The following ARSA variants were observed in gnomAD, a reference collection of about 807,000 sequenced individuals.
The protein encoded by ARSA is cerebroside-sulfatase.
ARSA carries 32 observed loss-of-function variants against 37.8 expected under a neutral mutation model. The ratio of observed to expected loss-of-function variants is 0.85; its 90% CI spans 0.64 to 1.14. ARSA has a LOEUF of 1.14. ARSA is among the 50% of genes most tolerant of loss of function. The pLI is 0.00. For missense variants in ARSA, 685 were observed against 686.3 expected, an observed-to-expected ratio of 1.00 and a Z score of 0.02; for synonymous variants, 303 against 303.4, an observed-to-expected ratio of 1.00 and a Z score of 0.01.
At chr22:50,627,089 G>A (rs961007544) in intron 2 of ARSA, 37 bp from the exon 3 acceptor site, 3 of 1,596,790 alleles carry the variant, frequency 1.9e-6, no homozygotes, top group Non-Finnish European at 2.6e-6. Flanking sequence ...TGGGCTGGCA[G>A]GTGGGGCTGC....
chr22:50,625,852 G>C, intron 6 of ARSA, 84 bp downstream of exon 6: 1 of 1,546,708 alleles, frequency 6.5e-7, no homozygotes, highest in Non-Finnish European at 8.7e-7. Flanking sequence ...CTGAGGCACA[G>C]ACTCTCAGGC....
In ARSA at chr22:50,625,710, G is replaced by A. The variant is rs200256800; in HGVS notation, c.1108-29C>T. On this transcript the variant is annotated intron_variant, in intron 6 of 7. Coordinates refer to ENST00000216124, the MANE Select transcript of ARSA (RefSeq NM_000487.6). Reference sequence around the variant, plus strand: ...GGGGCAGAGTCAGGGGTCACGGGGCGGGGCAGGCCCCAAGCACTGCACATA... The same window carrying A: ...GGGGCAGAGTCAGGGGTCACGGGGCAGGGCAGGCCCCAAGCACTGCACATA... 2.2e-4 allele frequency: 347 copies of A among 1,601,496 alleles called. No homozygotes were observed. The African/African-American group carries it at 3.8e-3, about 17-fold the overall frequency.
chr22:50,625,492 G>A (rs759592253), intron 7 of ARSA, 28 bp from the exon 8 acceptor site: 2 of 1,611,502 alleles, frequency 1.2e-6, no homozygotes, highest in East Asian at 2.2e-5. Context: ...TCTGTGCACA[G>A]GGCAAGGGCG....
At position 50,627,059 on chromosome 22, in the gene ARSA, C is replaced by T. The variant is rs6151414; in HGVS notation, c.466-7G>A. On this transcript the variant is annotated splice_region_variant and splice_polypyrimidine_tract_variant and intron_variant, in intron 2 of 7. Coordinates refer to ENST00000216124, the MANE Select transcript of ARSA (RefSeq NM_000487.6). ...TCAGGTTCTGGCAGGGGCCCTGAGG[C>T]GGGCAGCTGCCGTGAGGGCTGGGCT... The T allele has an allele frequency of 1.2e-5, 20 of 1,600,390 alleles. No individual in the cohort carries two copies. Among genetic ancestry groups the T allele is most frequent in the Admixed American group, 3.4e-5 (2 of 59,592 alleles).
In ARSA at chr22:50,625,268, G is replaced by A. The variant is rs764962721; in HGVS notation, c.1407C>T (p.Asp469=). 6.5e-5 allele frequency: 105 copies of A among 1,612,652 alleles called. No individual in the cohort carries two copies. Among genetic ancestry groups the A allele is most frequent in the South Asian group, 1.1e-4 (10 of 91,068 alleles). ...GGCTGGGGCCGAAGGTCACAGCTGC[G>A]TCTAACTGGGCCTTGAGCAGCTGAA... ...KQLQLLKAQL[D]AAVTFGPSQV... The change falls in exon 8 of 8, where the codon GAC becomes GAT. Residue 469 remains aspartate (D), a synonymous_variant. Coordinates refer to ENST00000216124, the MANE Select transcript of ARSA (RefSeq NM_000487.6).
Position 50,626,197 on chromosome 22 carries a change from G to T in ARSA, c.936C>A (p.Val312=). The T allele has an allele frequency of 6.2e-7, 1 of 1,611,570 alleles. No individual in the cohort carries two copies. The highest frequency in any genetic ancestry group is 8.5e-7 in the Non-Finnish European group (1 of 1,179,242). ...GCCAGAAGGCCAAGGCAGGCTCTCGGACACCGCCCTCGTAGGTCGTTCCCT... is the reference window on the plus strand; with the variant it reads ...GCCAGAAGGCCAAGGCAGGCTCTCGTACACCGCCCTCGTAGGTCGTTCCCT... ...CGKGTTYEGG[V]REPALAFWPG... The change falls in exon 5 of 8, where the codon GTC becomes GTA. Residue 312 remains valine (V), a synonymous_variant. Coordinates refer to ENST00000216124, the MANE Select transcript of ARSA (RefSeq NM_000487.6).
rs6151406 is a variant in ARSA, at chr22:50,628,124, C to G, written c.-345G>C. On this transcript the variant is annotated 5_prime_UTR_variant, in exon 1 of 8. Coordinates refer to ENST00000216124, the MANE Select transcript of ARSA (RefSeq NM_000487.6). Reference sequence around the variant, plus strand: ...GCGCTAGAGGGAGCCCAGGAGGAGCCGGTACCGGGCTGCGGGCGCTTCCGC... The same window carrying G: ...GCGCTAGAGGGAGCCCAGGAGGAGCGGGTACCGGGCTGCGGGCGCTTCCGC... The G allele has an allele frequency of 0.09, 19,379 of 215,104 alleles. 1,392 individuals are homozygous for G. Among genetic ancestry groups the G allele is most frequent in the East Asian group, 0.25 (2,244 of 8,932 alleles). 13.3% of individuals were successfully genotyped at this position (215,104 alleles called of 1,614,324 possible). A position where few individuals can be genotyped will look rare whatever the true frequency, so the allele number is the denominator to read the frequency against.
intron 7 of ARSA, 46 bp from the exon 8 acceptor site, chr22:50,625,510 G>C: frequency 6.2e-7 from 1 of 1,612,260 alleles, no homozygotes; most frequent in Non-Finnish European, 8.5e-7. Context: ...GCGAGAGGAG[G>C]GGCCAGGGAT....
chr22:50,627,437 A>G (rs1409623502), intron 1 of ARSA, 31 bp from the exon 2 acceptor site: 1 of 1,607,862 alleles, frequency 6.2e-7, no homozygotes, highest in Middle Eastern at 1.7e-4. Context: ...TCCCTGAGAC[A>G]GACAGAAATG....
chr22:50,626,242 G>A lies in ARSA; in HGVS notation c.891C>T (p.Ser297=), dbSNP rs770536697. ...ETMRMSRGGC[S]GLLRCGKGTT... ...TTCCCTTTCCACACCGCAAGAGACCGGAGCAGCCGCCTCGGGACATACGCA... is the reference window on the plus strand; with the variant it reads ...TTCCCTTTCCACACCGCAAGAGACCAGAGCAGCCGCCTCGGGACATACGCA... Residue 297 remains serine, a synonymous_variant, in exon 5 of 8, where the codon TCC becomes TCT. Coordinates refer to ENST00000216124, the MANE Select transcript of ARSA (RefSeq NM_000487.6). The A allele has an allele frequency of 5.1e-5, 83 of 1,613,398 alleles. No individual in the cohort carries two copies. Among genetic ancestry groups the A allele is most frequent in the South Asian group, 3.8e-4 (35 of 91,002 alleles).
intron 6 of ARSA, 36 bp downstream of exon 6, chr22:50,625,900 G>A (rs1249551303): frequency 8.3e-6 from 13 of 1,563,866 alleles, no homozygotes; most frequent in Non-Finnish European, 1.0e-5. Context: ...CCAGGACAGG[G>A]GCCAAGGATC....
rs1045588549 is a variant in ARSA, at chr22:50,624,018, C to A, written c.*1127G>T. 6.6e-6 allele frequency: 1 copy of A among 152,186 alleles called. No individual in the cohort carries two copies. 9.4% of individuals were successfully genotyped at this position (152,186 alleles called of 1,614,324 possible). ...TTCCTGGCCTCAGGCATCCTCTCACCTCAGCCTCCCAAAGCACTGGGAATA... is the reference window on the plus strand; with the variant it reads ...TTCCTGGCCTCAGGCATCCTCTCACATCAGCCTCCCAAAGCACTGGGAATA... On this transcript the variant is annotated 3_prime_UTR_variant, in exon 8 of 8. Transcript: ENST00000216124.
At position 50,627,261 on chromosome 22, in the gene ARSA, C is replaced by T. The variant is rs74315461; in HGVS notation, c.370G>A (p.Gly124Ser). 1.0e-5 allele frequency: 16 copies of T among 1,601,472 alleles called. No homozygotes were observed. The highest frequency in any genetic ancestry group is 2.3e-5 in the East Asian group (1 of 44,260). ...GGCCCCACCCCAAGGTGCCACTTGC[C>T]GGCCATTCCTGTGAGGTAGCCTCGG... Reference protein sequence around the residue: ...AARGYLTGMAGKWHLGVGPEG... With the variant: ...AARGYLTGMASKWHLGVGPEG... Residue 124 changes from glycine to serine, a missense_variant, in exon 2 of 8, where the codon GGC becomes AGC. Gly to Ser is a moderately conservative substitution (Grantham distance 56, BLOSUM62 0). Coordinates refer to ENST00000216124, the MANE Select transcript of ARSA (RefSeq NM_000487.6).
rs1302265907 is a variant in ARSA, at chr22:50,625,569, G to C, written c.1210+10C>G. 2 of 1,612,896 alleles carry C rather than the reference G, an allele frequency of 1.2e-6. No homozygotes were observed. The highest frequency in any genetic ancestry group is 1.7e-6 in the Non-Finnish European group (2 of 1,179,670). On this transcript the variant is annotated intron_variant, in intron 7 of 7. Coordinates refer to ENST00000216124, the MANE Select transcript of ARSA (RefSeq NM_000487.6). ...CAGGTCGGGGGGAGGGATCCACGGG[G>C]AGGGGTTACCCTGGGTGAAGAAGTG...
rs764345345 is a variant in ARSA, at chr22:50,625,159, C to T, written c.1516G>A (p.Asp506Asn). Reference protein sequence around the residue: ...TPRPACCHCPDPHA With the variant: ...TPRPACCHCPNPHA ...CCGAGGGGCCCTCAGGCATGGGGAT[C>T]TGGGCAATGGCAGCAAGCTGGGCGG... The change falls in exon 8 of 8, where the codon GAT (aspartate) becomes AAT (asparagine). Residue 506 changes from aspartate to asparagine, a missense_variant. Coordinates refer to ENST00000216124, the MANE Select transcript of ARSA (RefSeq NM_000487.6). The T allele has an allele frequency of 1.3e-6, 2 of 1,578,276 alleles. No individual in the cohort carries two copies. The highest frequency in any genetic ancestry group is 1.8e-5 in the Admixed American group (1 of 55,488).
Position 50,625,354 on chromosome 22 carries a change from A to C in ARSA, c.1321T>G (p.Tyr441Asp), listed in dbSNP as rs2082645489. The change falls in exon 8 of 8, where the codon TAC becomes GAC. Residue 441 changes from tyrosine (Y) to aspartate (D), a missense_variant. By Grantham distance (160) the Tyr-to-Asp change is radical (BLOSUM62 -3). Transcript: ENST00000216124. ...CCGGCCACACCCCCCAGCAGGTTGT[A>C]GTTCTCACCAGGGTCCTTGGACAGG... ...YDLSKDPGEN[Y>D]NLLGGVAGAT... 6.2e-7 allele frequency: 1 copy of C among 1,610,466 alleles called. No homozygotes were observed. The highest frequency in any genetic ancestry group is 1.3e-5 in the African/African-American group (1 of 74,884).
rs886057641 is a variant in ARSA, at chr22:50,623,051, AAGG to A, written c.*2091_*2093del. 5.9e-5 allele frequency: 9 copies of A among 152,220 alleles called. No homozygotes were observed. The highest frequency in any genetic ancestry group is 1.5e-5 in the Non-Finnish European group (1 of 68,050). 9.4% of individuals were successfully genotyped at this position (152,220 alleles called of 1,614,324 possible). On this transcript the variant is annotated 3_prime_UTR_variant, in exon 8 of 8. Coordinates refer to ENST00000216124, the MANE Select transcript of ARSA (RefSeq NM_000487.6). ...CACTGAAAAATGGGAGCCCATTAGG[AAGG>A]AGGTGGCTGTTTGGTAGCAACGAAC...
chr22:50,626,352 A>C, intron 4 of ARSA, 74 bp from the exon 5 acceptor site: 1 of 1,584,416 alleles, frequency 6.3e-7, no homozygotes, highest in South Asian at 1.1e-5. Context: ...GTGGCCCCAC[A>C]CCTCTAAGTC....
rs1413092539 is a variant in ARSA at position 50,625,838 on chromosome 22, G to A, written c.1107+98C>T. The A allele has an allele frequency of 3.3e-6, 5 of 1,530,852 alleles. No homozygotes were observed. The African/African-American group carries it at 4.1e-5, about 13-fold the overall frequency. 94.8% of individuals were successfully genotyped at this position (1,530,852 alleles called of 1,614,324 possible). A position where few individuals can be genotyped will look rare whatever the true frequency, so the allele number is the denominator to read the frequency against. The stretch of plus-strand genomic sequence containing the variant: ...CACTTGGATGCCACTCAGTGCAGGA[G>A]GCACTGAGGCACAGACTCTCAGGCA... On this transcript the variant is annotated intron_variant, in intron 6 of 7. Coordinates refer to ENST00000216124, the MANE Select transcript of ARSA (RefSeq NM_000487.6).
Sources: gnomAD v4.1 joint callset for allele counts on GRCh38, gnomAD v4.1.1 for gene constraint, MANE v1.5 for transcripts, NCBI Gene and HGNC (gene_info 2026-07-23, HGNC 2026-07-21) for gene names.